Variants in PIGN observed in about 807,000 individuals in gnomAD.
The protein encoded by PIGN is GPI ethanolamine phosphate transferase 1.
In PIGN, 117 loss-of-function variants were observed where a neutral mutation model predicts 125.4. The ratio of observed to expected loss-of-function variants is 0.93; its 90% confidence interval spans 0.80 to 1.09. The LOEUF (loss-of-function observed/expected upper bound fraction) is 1.09. Ranked by LOEUF, PIGN falls within the 50% of genes least tolerant of loss-of-function variation. The probability of loss-of-function intolerance (pLI) is 0.00; values close to 1 mark genes in which losing one functional copy is unlikely to be tolerated. For missense variants in PIGN, 1,075 were observed against 1,094.9 expected, an observed-to-expected ratio of 0.98 and a Z score of 0.26; for synonymous variants, 392 against 377.8, an observed-to-expected ratio of 1.04 and a Z score of -0.44.
At position 62,035,501 on chromosome 18, in the gene PIGN, T is replaced by C. The variant is rs906911722; in HGVS notation, c.2143-17760A>G. On this transcript the variant is annotated intron_variant, in intron 23 of 24. Coordinates refer to the PIGN transcript ENST00000639600. ...AATCTTGTTTTTTCAGAAGGCCTTA[T>C]TTAAGAAACCTAACTTATTACTTTT... is the stretch of plus-strand genomic sequence containing the variant. Among the ~76,000 whole-genome samples the C allele has an allele frequency of 5.9e-5, 9 of 152,338 alleles. 1 individual carries two copies. The South Asian group carries it at 1.7e-3, about 28-fold the overall frequency.
intron 1 of PIGN, among the ~76,000 whole-genome samples, chr18:62,165,320 C>G (rs2037093066): frequency 6.6e-6 from 1 of 152,188 alleles, no homozygotes; most frequent in Non-Finnish European, 1.5e-5. Flanking sequence ...GCCTGTAGAA[C>G]TGTGAACTAA....
chr18:62,038,993 A>G (rs1021734369), downstream of PIGN, among the ~76,000 whole-genome samples: 5 of 151,588 alleles, frequency 3.3e-5, no homozygotes, highest in African/African-American at 9.7e-5. Context: ...GTAATTCAGG[A>G]AGAAAAATGT....
In PIGN at chr18:62,034,237, G is replaced by T. The variant is rs678626; in HGVS notation, c.2143-16496C>A. 4.3e-3 allele frequency among the ~76,000 whole-genome samples: 660 copies of T among 152,296 alleles called. 5 individuals are homozygous for T. The highest frequency in any genetic ancestry group is 0.015 in the African/African-American group (628 of 41,568). On this transcript the variant is annotated intron_variant, in intron 23 of 24. Coordinates refer to the PIGN transcript ENST00000639600. ...AGAAAGCCAATGTGTTCCTTGTTTT[G>T]TTCTGTTTTCTGAATCTAATAAGTG... is the stretch of plus-strand genomic sequence containing the variant.
At chr18:62,074,181 C>T (rs539925120) in intron 29 of PIGN, among the ~76,000 whole-genome samples, 19 of 152,364 alleles carry the variant, frequency 1.2e-4, no homozygotes, top group African/African-American at 4.6e-4. Flanking sequence ...CTGGAATAAA[C>T]TGTAACTGAA....
chr18:62,036,825 A>C, downstream of PIGN, among the ~76,000 whole-genome samples: 1 of 152,186 alleles, frequency 6.6e-6, no homozygotes, highest in East Asian at 1.9e-4. Context: ...ACTGCCCATA[A>C]CTTTCATTGC....
chr18:62,125,113 T>C (rs886953544), intron 14 of PIGN, among the ~76,000 whole-genome samples: 1 of 103,872 alleles, frequency 9.6e-6, no homozygotes, highest in Non-Finnish European at 2.5e-5. Flanking sequence ...CGTTTGTACA[T>C]ATGTGTATAT....
rs2147664780 is a variant in PIGN, at chr18:62,163,515, C to T, written c.-110+16G>A. ...ATACGAAGAAGAAATGCAAAAGTAT[C>T]TATATCTAAATTTACCTTCCAGGTT... On this transcript the variant is annotated intron_variant, in intron 2 of 30. Coordinates refer to ENST00000640252, the MANE Select transcript of PIGN (RefSeq NM_176787.5). 6.6e-6 allele frequency: 1 copy of T among 152,228 alleles called. No homozygotes were observed. Among genetic ancestry groups the T allele is most frequent in the South Asian group, 2.1e-4 (1 of 4,828 alleles). 9.4% of individuals were successfully genotyped at this position (152,228 alleles called of 1,614,324 possible).
intron 14 of PIGN, among the ~76,000 whole-genome samples, chr18:62,125,319 T>C (rs1029551770): frequency 7.9e-5 from 12 of 152,060 alleles, no homozygotes; most frequent in African/African-American, 2.7e-4. Flanking sequence ...ACCAAATGTG[T>C]AACTTTGTAA....
At chr18:62,021,846 G>A (rs745377611) in intron 23 of PIGN, among the ~76,000 whole-genome samples, 10 of 152,156 alleles carry the variant, frequency 6.6e-5, no homozygotes, top group Non-Finnish European at 1.0e-4. Flanking sequence ...TCAGGGTCTC[G>A]GCTGAGCTAC....
intron 30 of PIGN, among the ~76,000 whole-genome samples, chr18:62,066,588 T>C (rs763167197): frequency 2.4e-4 from 36 of 152,190 alleles, no homozygotes; most frequent in Non-Finnish European, 4.7e-4. Flanking sequence ...TTTTATCTAA[T>C]AGAGAGGACT....
At chr18:62,186,655 A>AG (rs891764950) in intron 1 of PIGN, among the ~76,000 whole-genome samples, 189 bp downstream of exon 1, 2 of 152,218 alleles carry the variant, frequency 1.3e-5, no homozygotes, top group Non-Finnish European at 2.9e-5. Context: ...CATGTGGCAG[A>AG]GAAGGGAAAA....
At chr18:62,120,910 G>A (rs1490000786) in intron 14 of PIGN, among the ~76,000 whole-genome samples, 1 of 151,736 alleles carries the variant, frequency 6.6e-6, no homozygotes, top group East Asian at 1.9e-4. Flanking sequence ...GTAGAATACT[G>A]GATAAAAAAA....
intron 23 of PIGN, among the ~76,000 whole-genome samples, chr18:62,026,230 A>G (rs2030116728): frequency 6.6e-6 from 1 of 152,232 alleles, no homozygotes; most frequent in South Asian, 2.1e-4. Context: ...CTAAGGAAGC[A>G]TTCTAGCTTC....
chr18:62,046,304 C>G (rs911149226), intron 30 of PIGN, among the ~76,000 whole-genome samples: 4 of 151,708 alleles, frequency 2.6e-5, no homozygotes, highest in African/African-American at 7.3e-5. Flanking sequence ...CCAGGGGTCC[C>G]CAAACCTCAG....
intron 23 of PIGN, among the ~76,000 whole-genome samples, chr18:62,028,602 A>G (rs1056444119): frequency 6.6e-6 from 1 of 152,212 alleles, no homozygotes; most frequent in Non-Finnish European, 1.5e-5. Context: ...CTTAAATTGA[A>G]AAGCATTGTG....
intron 20 of PIGN, chr18:62,103,580 C>G (rs547797364): frequency 1.3e-5 from 2 of 152,326 alleles, no homozygotes; most frequent in East Asian, 1.9e-4. Context: ...TTGTTGAGCT[C>G]TTTCTCACCT....
chr18:62,150,379 A>G (rs1488129162), intron 7 of PIGN, among the ~76,000 whole-genome samples: 3 of 152,238 alleles, frequency 2.0e-5, no homozygotes, highest in Non-Finnish European at 4.4e-5. Flanking sequence ...GAACAGTTAT[A>G]GTATAGCACA....
chr18:62,086,065 C>T (rs771825348), intron 25 of PIGN, among the ~76,000 whole-genome samples: 5 of 152,086 alleles, frequency 3.3e-5, no homozygotes, highest in Non-Finnish European at 5.9e-5. Flanking sequence ...TCTAAGCAAC[C>T]GTTTATTGTC....
intron 27 of PIGN, 69 bp from the exon 28 acceptor site, chr18:62,082,815 A>G (rs2033512984): frequency 3.8e-6 from 3 of 798,216 alleles, no homozygotes; most frequent in Non-Finnish European, 2.1e-6. Context: ...AAAAAATACT[A>G]TTTCTGCTTA....
Sources: gnomAD v4.1 joint callset for allele counts (sites outside exome capture counted in the v4.1 genomes callset) on GRCh38, gnomAD v4.1.1 for gene constraint, MANE v1.5 for transcripts, NCBI Gene and HGNC (gene_info 2026-07-23, HGNC 2026-07-21) for gene names.